Variants in TRAPPC9 observed in about 807,000 individuals in gnomAD.
The protein encoded by TRAPPC9 is trafficking protein particle complex subunit 9, also known as IKK2 binding protein.
TRAPPC9 carries 83 observed loss-of-function variants against 124.0 expected under a neutral mutation model. The observed-to-expected ratio is 0.67, with a 90% CI of 0.56 to 0.80. The LOEUF is 0.80. TRAPPC9 is among the 30% of genes least tolerant of loss of function. The probability of loss-of-function intolerance (pLI) is 0.00; values close to 1 mark genes in which losing one functional copy is unlikely to be tolerated. For synonymous variants in TRAPPC9, 638 were observed against 617.5 expected, an observed-to-expected ratio of 1.03 and a Z score of -0.49; for missense variants, 1,302 against 1,508.3, an observed-to-expected ratio of 0.86 and a Z score of 2.27.
intron 15 of TRAPPC9, among the ~76,000 whole-genome samples, chr8:140,254,785 T>C (rs940076142): frequency 3.3e-5 from 5 of 152,206 alleles, no homozygotes; most frequent in African/African-American, 1.2e-4. Context: ...AACTTATCCA[T>C]GGTCACCAAC....
intron 18 of TRAPPC9, among the ~76,000 whole-genome samples, chr8:140,021,404 A>G (rs1241206552): frequency 1.3e-5 from 2 of 152,202 alleles, no homozygotes; most frequent in Admixed American, 6.5e-5. Flanking sequence ...TTTTTGTTAC[A>G]TATTTTATTT....
intron 17 of TRAPPC9, among the ~76,000 whole-genome samples, chr8:140,211,033 T>G (rs1185783153): frequency 1.3e-5 from 2 of 152,006 alleles, no homozygotes; most frequent in Non-Finnish European, 2.9e-5. Context: ...TTTAAAAACT[T>G]GAATACATTT....
At chr8:139,848,987 G>C (rs1827276076) in intron 21 of TRAPPC9, among the ~76,000 whole-genome samples, 1 of 152,228 alleles carries the variant, frequency 6.6e-6, no homozygotes. Context: ...GGTCAATTCA[G>C]AACACTCAAT....
At chr8:140,070,054 C>G (rs1843078753) in intron 17 of TRAPPC9, among the ~76,000 whole-genome samples, 1 of 152,242 alleles carries the variant, frequency 6.6e-6, no homozygotes, top group Non-Finnish European at 1.5e-5. Flanking sequence ...CTTCACCACA[C>G]AGTCCCCCAA....
chr8:139,888,006 C>T (rs541613369), intron 20 of TRAPPC9, among the ~76,000 whole-genome samples: 5 of 152,360 alleles, frequency 3.3e-5, no homozygotes, highest in Middle Eastern at 3.4e-3. Flanking sequence ...ACCTGACACC[C>T]GTGGGCCTGC....
rs1316251854 is a variant in TRAPPC9, at chr8:140,241,218, A to T, written c.2431+11559T>A. Among the ~76,000 whole-genome samples, 1 of 152,112 alleles carries T rather than the reference A, an allele frequency of 6.6e-6. No individual in the cohort carries two copies. The highest frequency in any genetic ancestry group is 2.4e-5 in the African/African-American group (1 of 41,424). On this transcript the variant is annotated intron_variant, in intron 16 of 22. Transcript: ENST00000438773. This position sits in a 1 kb window ranked among gnomAD's most constrained non-coding sequence, Gnocchi z 5.0. ...GTTTGAGACCAGCCTGTCCAACATG[A>T]TGAAACCCTGTCTCTACTAAAAATA...
At chr8:140,246,196 T>C (rs1417020787) in intron 16 of TRAPPC9, among the ~76,000 whole-genome samples, 1 of 152,228 alleles carries the variant, frequency 6.6e-6, no homozygotes, top group African/African-American at 2.4e-5. Flanking sequence ...TGGTCACTTC[T>C]TCAGGCGGAG....
intron 21 of TRAPPC9, among the ~76,000 whole-genome samples, chr8:139,794,637 T>C (rs1822922022): frequency 1.3e-5 from 2 of 152,136 alleles, no homozygotes; most frequent in African/African-American, 4.8e-5. Context: ...GACCTGGCCA[T>C]CCTCTTGGCT....
chr8:139,794,060 C>A (rs544652583), intron 21 of TRAPPC9, among the ~76,000 whole-genome samples: 2 of 152,230 alleles, frequency 1.3e-5, no homozygotes, highest in South Asian at 4.2e-4. Flanking sequence ...CCTGCTGACC[C>A]CCTTCCTGCC....
rs1358764291 is a variant in TRAPPC9 at position 139,760,032 on chromosome 8, C to T, written c.3056-27830G>A. On this transcript the variant is annotated intron_variant, in intron 21 of 22. Coordinates refer to ENST00000438773, the MANE Select transcript of TRAPPC9 (RefSeq NM_001160372.4). ...CGCCCGTCATGTCTGACCCCCCGTG[C>T]TCATCTCAGCATGAAGCATGCACAT... Among the ~76,000 whole-genome samples the T allele has an allele frequency of 2.0e-5, 3 of 152,374 alleles. No individual in the cohort carries two copies. In the East Asian group the frequency reaches 5.8e-4, roughly 29 times the overall value.
At chr8:140,075,447 C>T (rs1026824037) in intron 17 of TRAPPC9, among the ~76,000 whole-genome samples, 2 of 152,280 alleles carry the variant, frequency 1.3e-5, no homozygotes, top group Middle Eastern at 6.8e-3. Flanking sequence ...TGGACAAAGT[C>T]CCCACATCCC....
chr8:140,091,659 T>A (rs1189608081), intron 17 of TRAPPC9, among the ~76,000 whole-genome samples: 1 of 152,150 alleles, frequency 6.6e-6, no homozygotes. Context: ...GTGATCTAGA[T>A]AACAGCAGAG....
rs71320347 is a variant in TRAPPC9 at position 140,231,481 on chromosome 8, C to CTTTTTTTTT, written c.2432-9907_2432-9899dup. 1.1e-3 allele frequency among the ~76,000 whole-genome samples: 64 copies of CTTTTTTTTT among 56,990 alleles called. 10 individuals carry two copies. The highest frequency in any genetic ancestry group is 3.6e-3 in the East Asian group (6 of 1,670). The allele number at this position is 56,990 out of a possible 152,430, so 37.4% of individuals were successfully genotyped here. ...AACTGCTAGTAAATCACTGCCTTTT[C>CTTTTTTTTT]TTTTTTTTTTTTTTTTTTTTTTTTT... On this transcript the variant is annotated intron_variant, in intron 16 of 22. Coordinates refer to ENST00000438773, the MANE Select transcript of TRAPPC9 (RefSeq NM_001160372.4).
chr8:140,033,673 T>TTTTG (rs1554611622), intron 17 of TRAPPC9, among the ~76,000 whole-genome samples: 9,249 of 76,522 alleles, frequency 0.12, 1,324 homozygotes, highest in East Asian at 0.18. Context: ...TTTTTTTTTT[T>TTTTG]TTTTTTTTTT....
At chr8:139,950,851 G>A (rs923460851) in intron 19 of TRAPPC9, among the ~76,000 whole-genome samples, 49 of 152,340 alleles carry the variant, frequency 3.2e-4, no homozygotes, top group African/African-American at 1.2e-3. Context: ...CACCAGCTCC[G>A]AAGGCCTCTT....
chr8:140,270,058 C>T (rs1471381918), intron 15 of TRAPPC9, among the ~76,000 whole-genome samples: 1 of 152,010 alleles, frequency 6.6e-6, no homozygotes. Flanking sequence ...CAAGACCACG[C>T]CACTGCACTC....
intron 19 of TRAPPC9, among the ~76,000 whole-genome samples, chr8:139,935,872 G>GAAACT (rs770134533): frequency 5.3e-5 from 8 of 152,164 alleles, no homozygotes; most frequent in Non-Finnish European, 8.8e-5. Context: ...CACCGATGGG[G>GAAACT]AAACTGAGGC....
rs1381031014 is a variant in TRAPPC9, at chr8:139,729,487, C to T, written c.*1574G>A. Among the ~76,000 whole-genome samples, 2 of 152,218 alleles carry T rather than the reference C, an allele frequency of 1.3e-5. No homozygotes were observed. Among genetic ancestry groups the T allele is most frequent in the Non-Finnish European group, 2.9e-5 (2 of 68,028 alleles). On this transcript the variant is annotated 3_prime_UTR_variant, in exon 23 of 23. Coordinates refer to ENST00000438773, the MANE Select transcript of TRAPPC9 (RefSeq NM_001160372.4). ...CAGCCAGACCTTCTGGGGCTGCCTT[C>T]CCTGGGGAGCCTCGAGCAGATGCTG... is the stretch of plus-strand genomic sequence containing the variant.
intron 19 of TRAPPC9, among the ~76,000 whole-genome samples, chr8:139,927,684 G>A (rs1219995172): frequency 2.0e-5 from 3 of 152,122 alleles, no homozygotes; most frequent in African/African-American, 7.2e-5. Context: ...AATAGCAATA[G>A]CCAAAAAAGT....
Sources: allele counts gnomAD v4.1 joint callset (sites outside exome capture counted in the v4.1 genomes callset), GRCh38; gene constraint gnomAD v4.1.1; non-coding constraint Gnocchi (gnomAD v3.1); transcripts MANE v1.5; gene names NCBI Gene and HGNC (gene_info 2026-07-23, HGNC 2026-07-21).